HMGCLL1: variants seen among roughly 807,000 people sequenced by gnomAD.
HMGCLL1 encodes 3-hydroxy-3-methylglutaryl-CoA lyase like 1, also known as 3-hydroxymethyl-3-methylglutaryl-CoA lyase, cytoplasmic.
HMGCLL1 carries 36 observed loss-of-function variants against 39.1 expected under a neutral mutation model. The observed-to-expected ratio is 0.92, with a 90% confidence interval of 0.71 to 1.22. The LOEUF (loss-of-function observed/expected upper bound fraction) is 1.22, where lower values mean the gene tolerates loss of function less well. Among genes scored for constraint, HMGCLL1 ranks in the 50% most tolerant of loss-of-function variants. The pLI is 0.00. For synonymous variants in HMGCLL1, 149 were observed against 144.0 expected (o/e 1.03, Z -0.25); for missense variants, 451 against 416.5 (o/e 1.08, Z -0.72).
the HMGCLL1 span, among the ~76,000 whole-genome samples, chr6:55,641,918 T>TTTA: frequency 2.0e-5 from 3 of 146,692 alleles, no homozygotes; most frequent in South Asian, 6.4e-4. Flanking sequence ...TTATTTATTT[T>TTTA]TTATTATACT....
At chr6:55,614,459 A>C in the HMGCLL1 span, among the ~76,000 whole-genome samples, 2 of 152,162 alleles carry the variant, frequency 1.3e-5, no homozygotes, top group African/African-American at 2.4e-5. Flanking sequence ...AACTATGAGA[A>C]ATAAATGTCT....
intron 1 of HMGCLL1, among the ~76,000 whole-genome samples, chr6:55,551,933 T>C (rs1157122193): frequency 2.6e-5 from 4 of 152,030 alleles, no homozygotes; most frequent in Non-Finnish European, 5.9e-5. Flanking sequence ...GCTATATTCA[T>C]TCACCTATTG....
At chr6:55,476,112 T>G (rs988067165) in intron 7 of HMGCLL1, among the ~76,000 whole-genome samples, 1 of 151,680 alleles carries the variant, frequency 6.6e-6, no homozygotes, top group Non-Finnish European at 1.5e-5. Flanking sequence ...GTCAATTCCT[T>G]GCACACACAC....
chr6:55,657,052 T>C, the HMGCLL1 span, among the ~76,000 whole-genome samples: 5 of 151,334 alleles, frequency 3.3e-5, no homozygotes, highest in Admixed American at 2.6e-4. Flanking sequence ...GTTTTGTTGT[T>C]TTTTTTCTAT....
At chr6:55,619,775 C>A in the HMGCLL1 span, among the ~76,000 whole-genome samples, 1 of 152,154 alleles carries the variant, frequency 6.6e-6, no homozygotes, top group East Asian at 1.9e-4. Flanking sequence ...GTTGTGCTAT[C>A]AAATAGTAGA....
chr6:55,503,980 T>C (rs78802947), intron 5 of HMGCLL1, among the ~76,000 whole-genome samples: 4,118 of 151,808 alleles, frequency 0.027, 95 homozygotes, highest in Non-Finnish European at 0.041. Context: ...CAATTTCTAA[T>C]GTCAAAATTA....
At chr6:55,500,826 AATG>A (rs1287480954) in intron 5 of HMGCLL1, among the ~76,000 whole-genome samples, 1 of 152,016 alleles carries the variant, frequency 6.6e-6, no homozygotes, top group Non-Finnish European at 1.5e-5. Flanking sequence ...ATACAAATGT[AATG>A]ATTACAATAA....
the HMGCLL1 span, among the ~76,000 whole-genome samples, chr6:55,586,554 C>T: frequency 6.6e-6 from 1 of 151,334 alleles, no homozygotes; most frequent in African/African-American, 2.4e-5. Flanking sequence ...CTCCCCCCAC[C>T]CTACAACAGG....
the HMGCLL1 span, among the ~76,000 whole-genome samples, chr6:55,643,238 A>G: frequency 1.3e-5 from 2 of 152,216 alleles, no homozygotes; most frequent in Middle Eastern, 3.4e-3. Flanking sequence ...CAATGATTGA[A>G]CTAATTTACA....
the HMGCLL1 span, among the ~76,000 whole-genome samples, chr6:55,630,323 C>A: frequency 2.0e-5 from 3 of 152,010 alleles, no homozygotes; most frequent in East Asian, 3.9e-4. Context: ...TTGTTTTGGC[C>A]TATTTCTCCC....
chr6:55,655,542 A>AGATAGAT, the HMGCLL1 span, among the ~76,000 whole-genome samples: 5 of 150,878 alleles, frequency 3.3e-5, no homozygotes, highest in Non-Finnish European at 7.4e-5. Context: ...ATTGGTAGAT[A>AGATAGAT]GATAGATAGA....
At chr6:55,507,214 G>A (rs1337496855) in intron 5 of HMGCLL1, among the ~76,000 whole-genome samples, 1 of 151,740 alleles carries the variant, frequency 6.6e-6, no homozygotes, top group Non-Finnish European at 1.5e-5. Flanking sequence ...TTACTGAAGA[G>A]GCTATATCTG....
At chr6:55,453,837 A>C (rs1764209499) in intron 7 of HMGCLL1, among the ~76,000 whole-genome samples, 1 of 152,202 alleles carries the variant, frequency 6.6e-6, no homozygotes, top group Non-Finnish European at 1.5e-5. Context: ...ATGAATGAGG[A>C]ATGACTGAAG....
In HMGCLL1 at chr6:55,579,097, G is replaced by A. The variant is rs1403222591; in HGVS notation, c.-42C>T. The A allele has an allele frequency of 1.4e-6, 2 of 1,435,762 alleles. No individual in the cohort carries two copies. The highest frequency in any genetic ancestry group is 1.2e-5 in the South Asian group (1 of 84,232). 88.9% of individuals were successfully genotyped at this position (1,435,762 alleles called of 1,614,324 possible). On this transcript the variant is annotated 5_prime_UTR_variant, in exon 1 of 9. Transcript: ENST00000274901. ...GCAGTCGGCGAGGGGAGGGAGACTG[G>A]AGGAGGATGAGGGGCGGGCACCGCG...
intron 7 of HMGCLL1, among the ~76,000 whole-genome samples, chr6:55,452,124 C>A (rs1764121659): frequency 6.6e-6 from 1 of 152,130 alleles, no homozygotes; most frequent in Non-Finnish European, 1.5e-5. Flanking sequence ...CACAGCACTG[C>A]ATGTTTGAGG....
chr6:55,441,289 G>T (rs1230174296), intron 7 of HMGCLL1, among the ~76,000 whole-genome samples: 1 of 152,080 alleles, frequency 6.6e-6, no homozygotes, highest in Non-Finnish European at 1.5e-5. Flanking sequence ...GAGGAGGAGA[G>T]ACCTAATCAG....
At chr6:55,446,763 A>G (rs2127385610) in intron 7 of HMGCLL1, among the ~76,000 whole-genome samples, 1 of 152,090 alleles carries the variant, frequency 6.6e-6, no homozygotes, top group South Asian at 2.1e-4. Flanking sequence ...AAAGGGAGTA[A>G]AAAATCATCT....
the HMGCLL1 span, among the ~76,000 whole-genome samples, chr6:55,656,946 C>A: frequency 2.0e-5 from 3 of 151,840 alleles, no homozygotes. Context: ...GAGAAGTGGT[C>A]AGATTCTGAA....
intron 1 of HMGCLL1, among the ~76,000 whole-genome samples, chr6:55,569,953 C>G (rs988389855): frequency 1.3e-5 from 2 of 152,090 alleles, no homozygotes; most frequent in African/African-American, 2.4e-5. Flanking sequence ...CAAGTCAAAT[C>G]AAAGGTGGCT....
Sources: gnomAD v4.1 joint callset for allele counts (sites outside exome capture counted in the v4.1 genomes callset) on GRCh38, gnomAD v4.1.1 for gene constraint, MANE v1.5 for transcripts, NCBI Gene and HGNC (gene_info 2026-07-23, HGNC 2026-07-21) for gene names.